Variants in CADPS2 observed in about 807,000 individuals in gnomAD.
CADPS2 encodes calcium-dependent secretion activator 2.
In CADPS2, 93 loss-of-function variants were observed where a neutral mutation model predicts 172.5. The ratio of observed to expected loss-of-function variants is 0.54; its 90% CI spans 0.46 to 0.64. The LOEUF (loss-of-function observed/expected upper bound fraction) is 0.64, where lower values mean the gene tolerates loss of function less well. Ranked by LOEUF, CADPS2 falls within the 30% of genes least tolerant of loss-of-function variation. The pLI is 0.00. For missense variants in CADPS2, 1,420 were observed against 1,565.9 expected, an observed-to-expected ratio of 0.91 and a Z score of 1.57; for synonymous variants, 546 against 555.2, an observed-to-expected ratio of 0.98 and a Z score of 0.23.
At chr7:122,726,843 G>A (rs911000813) in intron 2 of CADPS2, among the ~76,000 whole-genome samples, 24 of 148,774 alleles carry the variant, frequency 1.6e-4, no homozygotes, top group African/African-American at 4.7e-4. Flanking sequence ...CTAACTATAG[G>A]TGTTCAAAGA....
At chr7:122,854,896 T>C (rs980366827) in intron 1 of CADPS2, among the ~76,000 whole-genome samples, 4 of 152,194 alleles carry the variant, frequency 2.6e-5, no homozygotes, top group Non-Finnish European at 4.4e-5. Context: ...TTCAAAATCA[T>C]AATATAAAAG....
intron 3 of CADPS2, among the ~76,000 whole-genome samples, chr7:122,636,202 G>A (rs1167282465): frequency 6.6e-6 from 1 of 152,122 alleles, no homozygotes; most frequent in Non-Finnish European, 1.5e-5. Context: ...TGTGGGCTGT[G>A]TGCCTAAGTA....
chr7:122,505,047 T>C (rs967585075), intron 9 of CADPS2, among the ~76,000 whole-genome samples: 4 of 152,208 alleles, frequency 2.6e-5, no homozygotes, highest in African/African-American at 9.6e-5. Context: ...TTATACATTA[T>C]AATGTCTTTT....
In CADPS2 at chr7:122,621,467, A is replaced by T; in HGVS notation, c.1104+14T>A. 6 of 1,537,592 alleles carry T rather than the reference A, an allele frequency of 3.9e-6. No homozygotes were observed. The highest frequency in any genetic ancestry group is 5.4e-6 in the Non-Finnish European group (6 of 1,113,290). ...TTATGCTGTCAGAGGTGAGCATGAG[A>T]TAAAGCTACTTACCTCTAAGGTGAA... is the stretch of plus-strand genomic sequence containing the variant. On this transcript the variant is annotated intron_variant, in intron 5 of 29. Coordinates refer to ENST00000449022, the MANE Select transcript of CADPS2 (RefSeq NM_017954.11).
chr7:122,597,892 C>A (rs1158955268), intron 6 of CADPS2, among the ~76,000 whole-genome samples: 1 of 151,166 alleles, frequency 6.6e-6, no homozygotes, highest in Non-Finnish European at 1.5e-5. Flanking sequence ...TTGGCAAAGG[C>A]AGACTTGGCA....
chr7:122,433,788 T>C lies in CADPS2; in HGVS notation c.2476+4553A>G, dbSNP rs184022746. 1.4e-3 allele frequency among the ~76,000 whole-genome samples: 212 copies of C among 152,358 alleles called. 1 individual carries two copies. The highest frequency in any genetic ancestry group is 4.9e-3 in the African/African-American group (205 of 41,588). ...CGACCTGTACAGTTGACCAGTGGTATGGATTGCTAAGTCACTGTGAGGAGA... is the reference window on the plus strand; with the variant it reads ...CGACCTGTACAGTTGACCAGTGGTACGGATTGCTAAGTCACTGTGAGGAGA... On this transcript the variant is annotated intron_variant, in intron 17 of 29. Coordinates refer to ENST00000449022, the MANE Select transcript of CADPS2 (RefSeq NM_017954.11).
chr7:122,446,792 A>G (rs1402856200), intron 15 of CADPS2, among the ~76,000 whole-genome samples: 1 of 152,132 alleles, frequency 6.6e-6, no homozygotes, highest in Non-Finnish European at 1.5e-5. Context: ...AGAGTCCACT[A>G]GGCTCTACCT....
At chr7:122,798,762 A>T (rs1796940658) in intron 1 of CADPS2, among the ~76,000 whole-genome samples, 1 of 152,108 alleles carries the variant, frequency 6.6e-6, no homozygotes, top group South Asian at 2.1e-4. Context: ...GAAGGAAAAT[A>T]AAAGAGTTAC....
chr7:122,648,847 A>T (rs1049346319), intron 3 of CADPS2, among the ~76,000 whole-genome samples: 1 of 152,118 alleles, frequency 6.6e-6, no homozygotes, highest in African/African-American at 2.4e-5. Context: ...GGCAACACAG[A>T]GGTAAAACCA....
intron 25 of CADPS2, among the ~76,000 whole-genome samples, chr7:122,370,908 T>C (rs1410202251): frequency 6.6e-6 from 1 of 152,154 alleles, no homozygotes; most frequent in Non-Finnish European, 1.5e-5. Flanking sequence ...AAAAAGTTTT[T>C]CTTGTGGGTC....
chr7:122,549,761 A>C (rs1036983537), intron 8 of CADPS2, among the ~76,000 whole-genome samples: 2 of 152,100 alleles, frequency 1.3e-5, no homozygotes, highest in Non-Finnish European at 2.9e-5. Flanking sequence ...ACATACATAC[A>C]TACATAGGTT....
At chr7:122,608,648 T>G (rs1010176570) in intron 6 of CADPS2, among the ~76,000 whole-genome samples, 2 of 152,212 alleles carry the variant, frequency 1.3e-5, no homozygotes, top group African/African-American at 4.8e-5. Context: ...TTCTTATTGC[T>G]TCTTGTCTTT....
chr7:122,838,872 C>T (rs1477248999), intron 1 of CADPS2, among the ~76,000 whole-genome samples: 1 of 152,178 alleles, frequency 6.6e-6, no homozygotes, highest in Non-Finnish European at 1.5e-5. Flanking sequence ...TTTATAGATT[C>T]AATGCCCTCC....
At chr7:122,400,038 G>A (rs1747141905) in intron 20 of CADPS2, among the ~76,000 whole-genome samples, 1 of 151,838 alleles carries the variant, frequency 6.6e-6, no homozygotes, top group Admixed American at 6.6e-5. Context: ...TCTGTTACAA[G>A]AAACACACTG....
chr7:122,852,575 G>A (rs1253659258), intron 1 of CADPS2, among the ~76,000 whole-genome samples: 1 of 152,126 alleles, frequency 6.6e-6, no homozygotes, highest in Non-Finnish European at 1.5e-5. Context: ...AGGCAAAGGA[G>A]GTGAGGGAGA....
At chr7:122,640,223 T>C (rs567115737) in intron 3 of CADPS2, among the ~76,000 whole-genome samples, 2 of 152,246 alleles carry the variant, frequency 1.3e-5, no homozygotes, top group African/African-American at 4.8e-5. Flanking sequence ...AGTTGAGACC[T>C]AGGCAGACCA....
intron 17 of CADPS2, among the ~76,000 whole-genome samples, chr7:122,435,755 C>T (rs2151927470): frequency 6.6e-6 from 1 of 152,028 alleles, no homozygotes; most frequent in Non-Finnish European, 1.5e-5. Context: ...TGAAAGCAAC[C>T]TAAATGTTCA....
At chr7:122,712,359 T>C (rs769149673) in intron 2 of CADPS2, among the ~76,000 whole-genome samples, 2 of 152,170 alleles carry the variant, frequency 1.3e-5, no homozygotes, top group Non-Finnish European at 2.9e-5. Context: ...ATATTCCCTC[T>C]AGAAGCACAA....
chr7:122,394,147 T>C lies in CADPS2; in HGVS notation c.2747-565A>G, dbSNP rs112791647. Among the ~76,000 whole-genome samples the C allele has an allele frequency of 3.9e-3, 598 of 152,326 alleles. 4 individuals carry two copies. Among genetic ancestry groups the C allele is most frequent in the Non-Finnish European group, 4.8e-3 (325 of 68,022 alleles). On this transcript the variant is annotated intron_variant, in intron 20 of 29. Coordinates refer to ENST00000449022, the MANE Select transcript of CADPS2 (RefSeq NM_017954.11). ...TTTTAGTCATTCAATTTTGCATATC[T>C]GTATTTAAAAACAGCACATGACCTG...
Sources: allele counts gnomAD v4.1 joint callset (sites outside exome capture counted in the v4.1 genomes callset), GRCh38; gene constraint gnomAD v4.1.1; transcripts MANE v1.5; gene names NCBI Gene and HGNC (gene_info 2026-07-23, HGNC 2026-07-21).